The following ZFYVE21 variants were observed in gnomAD, a reference collection of about 807,000 sequenced individuals.
ZFYVE21 encodes the protein zinc finger FYVE-type containing 21, also known as zinc finger FYVE domain-containing protein 21.
Under a neutral mutation model 29.5 loss-of-function variants are expected in ZFYVE21, and 21 were observed. The ratio of observed to expected loss-of-function variants is 0.71; its 90% CI spans 0.50 to 1.02. The LOEUF (loss-of-function observed/expected upper bound fraction) is 1.02, where lower values mean the gene tolerates loss of function less well. Ranked by LOEUF, ZFYVE21 falls within the 50% of genes least tolerant of loss-of-function variation. ZFYVE21 has a pLI of 0.00. For missense variants in ZFYVE21, 326 were observed against 335.4 expected, an observed-to-expected ratio of 0.97 and a Z score of 0.22; for synonymous variants, 151 against 133.8, an observed-to-expected ratio of 1.13 and a Z score of -0.89.
At chr14:103,720,538 A>G (rs186629885) in intron 1 of ZFYVE21, among the ~76,000 whole-genome samples, 6 of 152,294 alleles carry the variant, frequency 3.9e-5, no homozygotes, top group Admixed American at 3.9e-4. Flanking sequence ...GTCCATGTCC[A>G]GCCTGTGTCC....
intron 2 of ZFYVE21, chr14:103,727,374 CT>C (rs1186041611): frequency 1.4e-5 from 5 of 351,006 alleles, no homozygotes; most frequent in African/African-American, 8.8e-5. Flanking sequence ...CCCGCCCCCT[CT>C]GCCCCCTCCG....
chr14:103,715,915 C>A lies in ZFYVE21; in HGVS notation c.74C>A (p.Pro25His). Reference sequence around the variant, plus strand: ...TCCCCGAGCGGCCTGCGCATGGTGCCCGAACACCGCGCCTTCGGAAGCCCG... The same window carrying A: ...TCCCCGAGCGGCCTGCGCATGGTGCACGAACACCGCGCCTTCGGAAGCCCG... ...VRSPSGLRMV[P>H]EHRAFGSPFG... Residue 25 changes from proline (P) to histidine (H), a missense_variant, in exon 1 of 7, where the codon CCC (proline) becomes CAC (histidine). Pro to His is a moderately conservative substitution (Grantham distance 77). Transcript: ENST00000311141. 7.0e-7 allele frequency: 1 copy of A among 1,435,726 alleles called. No individual in the cohort carries two copies. The highest frequency in any genetic ancestry group is 1.3e-5 in the South Asian group (1 of 75,452). 88.9% of individuals were successfully genotyped at this position (1,435,726 alleles called of 1,614,324 possible). A position where few individuals can be genotyped will look rare whatever the true frequency, so the allele number is the denominator to read the frequency against.
In ZFYVE21 at chr14:103,727,825, T is replaced by A; in HGVS notation, c.269T>A (p.Val90Glu). 1 of 1,613,176 alleles carries A rather than the reference T, an allele frequency of 6.2e-7. No homozygotes were observed. Among genetic ancestry groups the A allele is most frequent in the Non-Finnish European group, 8.5e-7 (1 of 1,179,916 alleles). The part of the protein sequence containing the change: ...QKVPLRRMCF[V>E]DPVRQCAECA... ...GTGCCGCTGCGGCGCATGTGCTTTG[T>A]GGACCCCGTGCGGCAGTGCGCGGAG... is the stretch of plus-strand genomic sequence containing the variant. The change falls in exon 3 of 7, where the codon GTG becomes GAG. Residue 90 changes from valine to glutamate, a missense_variant. Val to Glu is a moderately radical substitution (Grantham distance 121). Coordinates refer to ENST00000311141, the MANE Select transcript of ZFYVE21 (RefSeq NM_024071.4).
At chr14:103,729,067 T>A (rs780755080) in intron 4 of ZFYVE21, 24 bp from the exon 5 acceptor site, 7 of 1,613,704 alleles carry the variant, frequency 4.3e-6, no homozygotes, top group Non-Finnish European at 5.9e-6. Context: ...AATGACCCGA[T>A]TTGGACACTT....
chr14:103,732,423 A>G, intron 5 of ZFYVE21, 197 bp from the exon 6 acceptor site: 1 of 535,000 alleles, frequency 1.9e-6, no homozygotes, highest in South Asian at 4.8e-5. Flanking sequence ...CTCCCACCCC[A>G]CCTGTGAGCT....
chr14:103,716,667 C>T lies in ZFYVE21; in HGVS notation c.138+688C>T, dbSNP rs2083820105. Among the ~76,000 whole-genome samples, 1 of 152,218 alleles carries T rather than the reference C, an allele frequency of 6.6e-6. No individual in the cohort carries two copies. The highest frequency in any genetic ancestry group is 2.1e-4 in the South Asian group (1 of 4,838). On this transcript the variant is annotated intron_variant, in intron 1 of 6. Transcript: ENST00000311141. The surrounding 1 kb of genome is among the most constrained non-coding windows in gnomAD (Gnocchi z 4.8). The stretch of plus-strand genomic sequence containing the variant: ...CAGATTTGCACCCGTTTCCCATGGG[C>T]CCAGACACGGCAGGAGTTGCCCAGG...
chr14:103,723,462 C>T lies in ZFYVE21; in HGVS notation c.139-3330C>T, dbSNP rs190144239. On this transcript the variant is annotated intron_variant, in intron 1 of 6. Transcript: ENST00000311141. ...TCCAGAAGGCTGGGGTGGGCCAGGC[C>T]TGGTTTCCAAGTCCAGGAAGCAGCT... is the stretch of plus-strand genomic sequence containing the variant. Among the ~76,000 whole-genome samples, 3 of 152,324 alleles carry T rather than the reference C, an allele frequency of 2.0e-5. 1 individual carries two copies. The highest frequency in any genetic ancestry group is 7.2e-5 in the African/African-American group (3 of 41,568).
rs2083822564 is a variant in ZFYVE21 at position 103,716,766 on chromosome 14, C to T, written c.138+787C>T. ...CATCCGCTGGGCCTCCCGTGGGGTTCCCTGTGACCTGATCGGAGGTGCCTT... is the reference window on the plus strand; with the variant it reads ...CATCCGCTGGGCCTCCCGTGGGGTTTCCTGTGACCTGATCGGAGGTGCCTT... On this transcript the variant is annotated intron_variant, in intron 1 of 6. Transcript: ENST00000311141. This position sits in a 1 kb window ranked among gnomAD's most constrained non-coding sequence, Gnocchi z 4.8. 6.6e-6 allele frequency among the ~76,000 whole-genome samples: 1 copy of T among 152,150 alleles called. No homozygotes were observed. The highest frequency in any genetic ancestry group is 2.4e-5 in the African/African-American group (1 of 41,426).
intron 1 of ZFYVE21, among the ~76,000 whole-genome samples, chr14:103,720,745 C>T (rs537165552): frequency 4.6e-5 from 7 of 152,072 alleles, no homozygotes; most frequent in East Asian, 3.9e-4. Flanking sequence ...AGTGGGGGAG[C>T]GGGTCTCGAC....
chr14:103,729,683 A>C, intron 5 of ZFYVE21: 1 of 1,352,428 alleles, frequency 7.4e-7, no homozygotes, highest in Non-Finnish European at 1.0e-6. Context: ...CGTTATCTGC[A>C]AACTGTGCTG....
At chr14:103,729,739 C>G in intron 5 of ZFYVE21, 1 of 1,532,506 alleles carries the variant, frequency 6.5e-7, no homozygotes, top group Non-Finnish European at 8.7e-7. Flanking sequence ...TCCGTTCTCT[C>G]ACCGGCTCTT....
At chr14:103,721,055 A>G (rs1463491306) in intron 1 of ZFYVE21, among the ~76,000 whole-genome samples, 1 of 151,924 alleles carries the variant, frequency 6.6e-6, no homozygotes, top group African/African-American at 2.4e-5. Flanking sequence ...GAAACTCCTG[A>G]GCTCCAGCAG....
chr14:103,722,539 G>T (rs1595689244), intron 1 of ZFYVE21, among the ~76,000 whole-genome samples: 1 of 152,016 alleles, frequency 6.6e-6, no homozygotes, highest in Non-Finnish European at 1.5e-5. Context: ...AAATGTTCAG[G>T]CCGGGCACGG....
In ZFYVE21 at chr14:103,733,036, C is replaced by CT; in HGVS notation, c.*20dup. 5.6e-6 allele frequency: 9 copies of CT among 1,614,118 alleles called. No homozygotes were observed. Among genetic ancestry groups the CT allele is most frequent in the Non-Finnish European group, 7.6e-6 (9 of 1,180,028 alleles). ...ACCAGTAACTCTACGTGGGGCTGAG[C>CT]TTGGAGTACGTGTGGTCACCAGGAC... On this transcript the variant is annotated 3_prime_UTR_variant, in exon 7 of 7. Coordinates refer to ENST00000311141, the MANE Select transcript of ZFYVE21 (RefSeq NM_024071.4).
intron 3 of ZFYVE21, 100 bp from the exon 4 acceptor site, chr14:103,728,808 A>T (rs2083950645): frequency 1.6e-5 from 19 of 1,165,304 alleles, no homozygotes; most frequent in Non-Finnish European, 2.4e-5. Flanking sequence ...TGCTGTTTTT[A>T]CTCTGTCCTC....
intron 1 of ZFYVE21, among the ~76,000 whole-genome samples, chr14:103,723,934 G>A (rs1311975358): frequency 2.0e-5 from 3 of 152,276 alleles, no homozygotes; most frequent in African/African-American, 4.8e-5. Flanking sequence ...TGAGGGTGGC[G>A]GGGACATGGT....
intron 1 of ZFYVE21, among the ~76,000 whole-genome samples, chr14:103,722,265 C>A (rs1390765121): frequency 3.3e-5 from 5 of 151,820 alleles, no homozygotes; most frequent in African/African-American, 9.7e-5. Flanking sequence ...AAAGCCTATA[C>A]ATCTAAGCTC....
intron 3 of ZFYVE21, 78 bp from the exon 4 acceptor site, chr14:103,728,830 C>T: frequency 1.4e-6 from 2 of 1,403,636 alleles, no homozygotes; most frequent in South Asian, 2.3e-5. Flanking sequence ...GTGCGTGCGT[C>T]TCCTACTGGT....
chr14:103,729,594 A>G lies in ZFYVE21; in HGVS notation c.526+412A>G, dbSNP rs1000504846. On this transcript the variant is annotated intron_variant, in intron 5 of 6. Coordinates refer to ENST00000311141, the MANE Select transcript of ZFYVE21 (RefSeq NM_024071.4). ...TCCTGCAGGCGTCTGTGCAGACTAA[A>G]CCCCTGGTGCATTTCCTGGTGAGCT... is the stretch of plus-strand genomic sequence containing the variant. 1.3e-5 allele frequency: 9 copies of G among 674,774 alleles called. No individual in the cohort carries two copies. In the Admixed American group the frequency reaches 2.7e-4, roughly 20 times the overall value. The allele number at this position is 674,774 out of a possible 1,614,324, so 41.8% of individuals were successfully genotyped here.
Sources: gnomAD v4.1 joint callset for allele counts (sites outside exome capture counted in the v4.1 genomes callset) on GRCh38, gnomAD v4.1.1 for gene constraint, Gnocchi (gnomAD v3.1) non-coding constraint, MANE v1.5 for transcripts, NCBI Gene and HGNC (gene_info 2026-07-23, HGNC 2026-07-21) for gene names.